The following KLHL1 variants were observed in gnomAD, a reference collection of about 807,000 sequenced individuals.
The protein encoded by KLHL1 is kelch like family member 1.
In KLHL1, 47 loss-of-function variants were observed where a neutral mutation model predicts 77.7. That is an observed-to-expected ratio of 0.60 (90% CI 0.48 to 0.77). The LOEUF (loss-of-function observed/expected upper bound fraction) is 0.77, where lower values mean the gene tolerates loss of function less well. Among genes scored for constraint, KLHL1 ranks in the 30% least tolerant of loss-of-function variants. KLHL1 has a pLI of 0.00. For synonymous variants in KLHL1, 360 were observed against 325.2 expected (o/e 1.11, Z -1.15); for missense variants, 925 against 910.8 (o/e 1.02, Z -0.20).
intron 5 of KLHL1, among the ~76,000 whole-genome samples, chr13:69,848,755 T>C (rs1237011253): frequency 6.6e-6 from 1 of 151,494 alleles, no homozygotes; most frequent in East Asian, 1.9e-4. Flanking sequence ...GGTTCATTAA[T>C]TTTATTCTGA....
intron 1 of KLHL1, among the ~76,000 whole-genome samples, chr13:70,074,605 A>G (rs1412975593): frequency 6.6e-6 from 1 of 152,124 alleles, no homozygotes; most frequent in Non-Finnish European, 1.5e-5. Flanking sequence ...AAACAATGAT[A>G]AACATGTTTC....
At chr13:69,781,049 C>A (rs1293282362) in intron 7 of KLHL1, among the ~76,000 whole-genome samples, 1 of 151,558 alleles carries the variant, frequency 6.6e-6, no homozygotes, top group African/African-American at 2.4e-5. Flanking sequence ...AATCAGACTT[C>A]TTCTAAGCAA....
chr13:69,865,049 C>T (rs903570063), intron 5 of KLHL1, among the ~76,000 whole-genome samples: 2 of 152,098 alleles, frequency 1.3e-5, no homozygotes, highest in East Asian at 3.9e-4. Flanking sequence ...TGGGCTCAGG[C>T]GATCCTCCTG....
At chr13:70,085,694 T>C (rs541776709) in intron 1 of KLHL1, among the ~76,000 whole-genome samples, 1 of 152,162 alleles carries the variant, frequency 6.6e-6, no homozygotes, top group African/African-American at 2.4e-5. Flanking sequence ...TGAAACCCTG[T>C]CTCTATTAAA....
chr13:69,903,275 C>T (rs928559473), intron 4 of KLHL1, among the ~76,000 whole-genome samples: 2 of 152,102 alleles, frequency 1.3e-5, no homozygotes, highest in African/African-American at 2.4e-5. Context: ...CCCACCACAC[C>T]CCCACTTGCC....
chr13:69,882,067 C>A (rs1013593521), intron 5 of KLHL1, among the ~76,000 whole-genome samples: 2 of 152,070 alleles, frequency 1.3e-5, no homozygotes, highest in African/African-American at 4.8e-5. Context: ...CATAATCTTA[C>A]AAGTGGCCAT....
At chr13:69,962,619 A>G (rs1884099783) in intron 2 of KLHL1, among the ~76,000 whole-genome samples, 1 of 151,974 alleles carries the variant, frequency 6.6e-6, no homozygotes, top group African/African-American at 2.4e-5. Flanking sequence ...TTAATTTCTA[A>G]TTTTGCAAAC....
chr13:69,770,865 C>G (rs547624637), intron 7 of KLHL1, among the ~76,000 whole-genome samples: 1 of 152,274 alleles, frequency 6.6e-6, no homozygotes, highest in East Asian at 1.9e-4. Context: ...TCTGCCTCAG[C>G]CTCCCAAGTA....
In KLHL1 at chr13:69,975,762, A is replaced by G. The variant is rs148588338; in HGVS notation, c.538T>C (p.Leu180=). 1,407 of 1,612,294 alleles carry G rather than the reference A, an allele frequency of 8.7e-4. 1 individual carries two copies. The highest frequency in any genetic ancestry group is 1.4e-3 in the South Asian group (126 of 90,904). ...TGHSMTPQSD[L]DSSSSEEFYQ... ...AATTCTTCAGAGCTACTGGAGTCCAAATCACTTTGAGGTGTCATTGAATGG... is the reference window on the plus strand; with the variant it reads ...AATTCTTCAGAGCTACTGGAGTCCAGATCACTTTGAGGTGTCATTGAATGG... Residue 180 remains leucine, a synonymous_variant, in exon 2 of 11, where the codon TTG becomes CTG. Transcript: ENST00000377844.
chr13:70,090,857 C>T (rs372845884), intron 1 of KLHL1, among the ~76,000 whole-genome samples: 15 of 152,184 alleles, frequency 9.9e-5, no homozygotes, highest in Middle Eastern at 3.4e-3. Context: ...TAAACCATAG[C>T]TATAGAAATT....
chr13:69,873,877 A>G (rs1490835708), intron 5 of KLHL1, among the ~76,000 whole-genome samples: 1 of 152,188 alleles, frequency 6.6e-6, no homozygotes, highest in Non-Finnish European at 1.5e-5. Flanking sequence ...AGACCTCTAC[A>G]TCTGTATTTC....
At chr13:69,774,984 G>A (rs1178985415) in intron 7 of KLHL1, among the ~76,000 whole-genome samples, 1 of 152,140 alleles carries the variant, frequency 6.6e-6, no homozygotes, top group East Asian at 1.9e-4. Flanking sequence ...TGTGGAAGGG[G>A]AAATGCTTTT....
intron 1 of KLHL1, among the ~76,000 whole-genome samples, chr13:70,038,368 G>A (rs980694008): frequency 2.0e-5 from 3 of 152,086 alleles, no homozygotes; most frequent in African/African-American, 7.2e-5. Flanking sequence ...GAACAATGGT[G>A]CACAGGTTTT....
At chr13:69,794,937 T>C (rs1042344147) in intron 7 of KLHL1, among the ~76,000 whole-genome samples, 3 of 152,124 alleles carry the variant, frequency 2.0e-5, no homozygotes, top group African/African-American at 7.2e-5. Flanking sequence ...GCAATGGAAG[T>C]CCCTGGAAGA....
chr13:69,915,915 C>T (rs1333027709), intron 4 of KLHL1, among the ~76,000 whole-genome samples: 1 of 152,122 alleles, frequency 6.6e-6, no homozygotes, highest in Non-Finnish European at 1.5e-5. Context: ...CAAACAACCG[C>T]ATCAAAAAGT....
At chr13:69,903,980 A>AATGTTTACTAT (rs1176143525) in intron 4 of KLHL1, among the ~76,000 whole-genome samples, 1 of 151,762 alleles carries the variant, frequency 6.6e-6, no homozygotes, top group African/African-American at 2.4e-5. Context: ...TCATTGAAGA[A>AATGTTTACTAT]ATGTTTACTA....
rs949128202 is a variant in KLHL1 at position 69,838,914 on chromosome 13, T to C, written c.1414+62A>G. On this transcript the variant is annotated intron_variant, in intron 6 of 10. Transcript: ENST00000377844. ...ATTTTTTGTAGTATCACCATTACAA[T>C]ATAAAAGCTGCAACACGGTATAACA... 1.1e-5 allele frequency: 12 copies of C among 1,099,754 alleles called. No homozygotes were observed. The African/African-American group carries it at 1.4e-4, about 13-fold the overall frequency. The allele number at this position is 1,099,754 out of a possible 1,614,324, so 68.1% of individuals were successfully genotyped here. A position where few individuals can be genotyped will look rare whatever the true frequency, so the allele number is the denominator to read the frequency against.
chr13:70,016,742 AG>A (rs1367707835), intron 1 of KLHL1, among the ~76,000 whole-genome samples: 1 of 152,148 alleles, frequency 6.6e-6, no homozygotes, highest in East Asian at 1.9e-4. Flanking sequence ...CTGGACAAAA[AG>A]GGGCGGGTCC....
chr13:69,860,589 T>C (rs1214823683), intron 5 of KLHL1, among the ~76,000 whole-genome samples: 1 of 151,942 alleles, frequency 6.6e-6, no homozygotes, highest in Non-Finnish European at 1.5e-5. Context: ...AACAAGTTAT[T>C]CAGTTTCATT....
Sources: gnomAD v4.1 joint callset for allele counts (sites outside exome capture counted in the v4.1 genomes callset) on GRCh38, gnomAD v4.1.1 for gene constraint, MANE v1.5 for transcripts, NCBI Gene and HGNC (gene_info 2026-07-23, HGNC 2026-07-21) for gene names.